The following LRTM1 variants were observed in gnomAD, a reference collection of about 807,000 sequenced individuals.
LRTM1 encodes leucine rich repeat transmembrane protein 1.
A neutral mutation model predicts 32.4 loss-of-function variants in LRTM1; 38 were observed. The observed-to-expected ratio is 1.17, with a 90% CI of 0.91 to 1.54. The LOEUF is 1.54. Ranked by LOEUF, LRTM1 falls within the 40% of genes most tolerant of loss-of-function variation. The probability of loss-of-function intolerance (pLI) is 0.00; values close to 1 mark genes in which losing one functional copy is unlikely to be tolerated. For missense variants in LRTM1, 466 were observed against 415.4 expected (o/e 1.12, Z -1.06); for synonymous variants, 186 against 169.9 (o/e 1.09, Z -0.74).
intron 1 of LRTM1, among the ~76,000 whole-genome samples, chr3:54,946,857 G>A (rs1701628586): frequency 6.6e-6 from 1 of 151,864 alleles, no homozygotes; most frequent in Non-Finnish European, 1.5e-5. Context: ...GTCCCTGACT[G>A]AGAGTACTCT....
upstream of LRTM1, among the ~76,000 whole-genome samples, chr3:54,932,075 G>A (rs1049889568): frequency 1.3e-5 from 2 of 152,014 alleles, no homozygotes; most frequent in African/African-American, 4.8e-5. Flanking sequence ...TGAGCTACTC[G>A]GGAGGCTGAG....
At chr3:54,953,764 G>C (rs1701814996) in intron 1 of LRTM1, among the ~76,000 whole-genome samples, 1 of 152,248 alleles carries the variant, frequency 6.6e-6, no homozygotes, top group African/African-American at 2.4e-5. Flanking sequence ...TTGACAGGCT[G>C]TGGGAATCAC....
At chr3:54,938,103 G>A (rs556109938) in intron 1 of LRTM1, among the ~76,000 whole-genome samples, 1 of 152,278 alleles carries the variant, frequency 6.6e-6, no homozygotes, top group East Asian at 1.9e-4. Flanking sequence ...GGCAGTTGTG[G>A]GCAAATCCTT....
rs1325194926 is a variant in LRTM1 at position 54,933,751 on chromosome 3, T to C, written c.-221-8536A>G. Among the ~76,000 whole-genome samples, 5 of 141,300 alleles carry C rather than the reference T, an allele frequency of 3.5e-5. No individual in the cohort carries two copies. In the South Asian group the frequency reaches 9.2e-4, roughly 26 times the overall value. The allele number at this position is 141,300 out of a possible 152,430, so 92.7% of individuals were successfully genotyped here. A position where few individuals can be genotyped will look rare whatever the true frequency, so the allele number is the denominator to read the frequency against. On this transcript the variant is annotated intron_variant, in intron 1 of 2. Transcript: ENST00000493075. ...AGTAAATATTGAATGAATAAAGATA[T>C]TACTATTACTTTTTTTTTTTTTTTT...
intron 1 of LRTM1, among the ~76,000 whole-genome samples, chr3:54,945,121 G>C (rs913426175): frequency 6.6e-6 from 1 of 152,196 alleles, no homozygotes; most frequent in African/African-American, 2.4e-5. Context: ...GGAAAGGAAG[G>C]TTAGGAATTC....
chr3:54,963,684 G>A (rs940342017), intron 1 of LRTM1, among the ~76,000 whole-genome samples: 6 of 152,106 alleles, frequency 3.9e-5, no homozygotes, highest in East Asian at 3.9e-4. Context: ...CCCTGCATTC[G>A]TTTCTGTCAG....
At chr3:54,931,364 AG>A (rs558048856), upstream of LRTM1, among the ~76,000 whole-genome samples, 205 of 152,314 alleles carry the variant, frequency 1.3e-3, no homozygotes, top group African/African-American at 4.6e-3. Flanking sequence ...TTGGATGTGG[AG>A]GCTGATTGAT....
At chr3:54,943,503 G>T (rs144225927) in intron 1 of LRTM1, among the ~76,000 whole-genome samples, 1 of 152,134 alleles carries the variant, frequency 6.6e-6, no homozygotes, top group Non-Finnish European at 1.5e-5. Flanking sequence ...ATTAGTCAGC[G>T]AATATATTAT....
At chr3:54,922,246 A>G (rs1196893129) in intron 2 of LRTM1, among the ~76,000 whole-genome samples, 1 of 151,578 alleles carries the variant, frequency 6.6e-6, no homozygotes, top group East Asian at 1.9e-4. Flanking sequence ...CCCAAAGACC[A>G]CCAGCAAGTT....
chr3:54,931,606 A>C (rs1026841118), upstream of LRTM1, among the ~76,000 whole-genome samples: 1 of 152,154 alleles, frequency 6.6e-6, no homozygotes, highest in African/African-American at 2.4e-5. Flanking sequence ...TGGCCCCAAG[A>C]CCTGCCAGGA....
chr3:54,933,045 ATCCCTCCCTTCCTTCCTTCCTTCC>A (rs1701233531), upstream of LRTM1, among the ~76,000 whole-genome samples: 1 of 137,258 alleles, frequency 7.3e-6, no homozygotes, highest in Non-Finnish European at 1.5e-5. Flanking sequence ...CCATCCATCC[ATCCCTCCCTTCCTTCCTTCCTTCC>A]TTCCTTCCTT....
At chr3:54,958,034 C>T (rs1300059287) in intron 1 of LRTM1, among the ~76,000 whole-genome samples, 1 of 152,208 alleles carries the variant, frequency 6.6e-6, no homozygotes, top group African/African-American at 2.4e-5. Context: ...TGCATTCAAC[C>T]ACCCCGTGTG....
At chr3:54,927,785 A>G (rs556072641) in intron 1 of LRTM1, 120 bp downstream of exon 1, 2 of 1,050,010 alleles carry the variant, frequency 1.9e-6, no homozygotes, top group Admixed American at 1.7e-5. Flanking sequence ...CATTTTTCAT[A>G]TCTGTCCAGT....
At chr3:54,956,137 A>G (rs1191339648) in intron 1 of LRTM1, among the ~76,000 whole-genome samples, 2 of 152,176 alleles carry the variant, frequency 1.3e-5, no homozygotes, top group Middle Eastern at 6.8e-3. Context: ...GCCTTGGGCC[A>G]GGTCTGCTGC....
chr3:54,944,483 T>C (rs993033876), intron 1 of LRTM1, among the ~76,000 whole-genome samples: 21 of 151,988 alleles, frequency 1.4e-4, no homozygotes, highest in Non-Finnish European at 2.9e-4. Flanking sequence ...TGCAGTGGCA[T>C]GATCTGGGCT....
intron 1 of LRTM1, among the ~76,000 whole-genome samples, chr3:54,948,891 A>G (rs192775853): frequency 2.2e-4 from 33 of 152,298 alleles, no homozygotes; most frequent in African/African-American, 7.7e-4. Context: ...AAATTAAAGG[A>G]AGTTGATTAT....
intron 1 of LRTM1, among the ~76,000 whole-genome samples, chr3:54,934,624 C>T (rs75503287): frequency 0.014 from 2,175 of 152,236 alleles, 41 homozygotes; most frequent in African/African-American, 0.049. Flanking sequence ...TCAGCATCCA[C>T]GTGTCCACAG....
chr3:54,951,205 G>A (rs1701747734), intron 1 of LRTM1, among the ~76,000 whole-genome samples: 1 of 152,184 alleles, frequency 6.6e-6, no homozygotes, highest in Non-Finnish European at 1.5e-5. Context: ...GTAGCTAGAT[G>A]CTTGTGCTGC....
chr3:54,965,081 A>T (rs1702118597), intron 1 of LRTM1, among the ~76,000 whole-genome samples: 1 of 152,196 alleles, frequency 6.6e-6, no homozygotes, highest in Non-Finnish European at 1.5e-5. Flanking sequence ...GACCAATAGT[A>T]AATAACTGAG....
Sources: allele counts gnomAD v4.1 joint callset (sites outside exome capture counted in the v4.1 genomes callset), GRCh38; gene constraint gnomAD v4.1.1; transcripts MANE v1.5; gene names NCBI Gene and HGNC (gene_info 2026-07-23, HGNC 2026-07-21).